The following COPB2 variants were observed in gnomAD, a reference collection of about 807,000 sequenced individuals.
COPB2 encodes the protein coat protein complex I subunit beta 2.
COPB2 carries 16 observed loss-of-function variants against 120.8 expected under a neutral mutation model. The observed-to-expected ratio is 0.13, with a 90% confidence interval of 0.09 to 0.20. COPB2 has a LOEUF of 0.20. COPB2 is among the 10% of genes least tolerant of loss of function. The pLI is 1.00. For synonymous variants in COPB2, 332 were observed against 366.3 expected (o/e 0.91, Z 1.07); for missense variants, 794 against 1,076.5 (o/e 0.74, Z 3.67).
At chr3:139,376,026 T>C (rs970746700) in intron 5 of COPB2, among the ~76,000 whole-genome samples, 3 of 152,148 alleles carry the variant, frequency 2.0e-5, no homozygotes, top group Admixed American at 6.5e-5. Context: ...AGATGGAAGT[T>C]ATCACTTGAG....
In COPB2 at chr3:139,375,346, A is replaced by G. The variant is rs1560018519; in HGVS notation, c.651+122T>C. ...ATTCTGGGAACACAGTTTAGGTGCA[A>G]ATACTGATACCTTAAGTTATTATGC... On this transcript the variant is annotated intron_variant, in intron 6 of 21. Transcript: ENST00000333188. 4.2e-6 allele frequency: 4 copies of G among 942,140 alleles called. No homozygotes were observed. In the East Asian group the frequency reaches 1.1e-4, roughly 27 times the overall value. 58.4% of individuals were successfully genotyped at this position (942,140 alleles called of 1,614,324 possible).
In COPB2 at chr3:139,378,209, CA is replaced by C; in HGVS notation, c.356-21del. 2 of 1,517,900 alleles carry C rather than the reference CA, an allele frequency of 1.3e-6. No homozygotes were observed. Among genetic ancestry groups the C allele is most frequent in the Non-Finnish European group, 1.8e-6 (2 of 1,113,684 alleles). The allele number at this position is 1,517,900 out of a possible 1,614,324, so 94.0% of individuals were successfully genotyped here. A position where few individuals can be genotyped will look rare whatever the true frequency, so the allele number is the denominator to read the frequency against. On this transcript the variant is annotated intron_variant, in intron 4 of 21. Coordinates refer to ENST00000333188, the MANE Select transcript of COPB2 (RefSeq NM_004766.3). ...TGTCATCTAGGCCAAAAGAAAGTCT[CA>C]AGTTAGTTGTAATTCTATTTTTTCA...
At chr3:139,362,653 C>G in intron 15 of COPB2, 136 bp from the exon 16 acceptor site, 1 of 367,564 alleles carries the variant, frequency 2.7e-6, no homozygotes, top group Non-Finnish European at 4.6e-6. Flanking sequence ...AACTAGAAAC[C>G]CCACTATTTA....
At chr3:139,387,146 G>A (rs978967911) in intron 1 of COPB2, among the ~76,000 whole-genome samples, 2 of 151,964 alleles carry the variant, frequency 1.3e-5, no homozygotes, top group Non-Finnish European at 2.9e-5. Context: ...GGGAGGTGGA[G>A]GTTGCAGTGA....
Position 139,357,833 on chromosome 3 carries a change from G to A in COPB2, c.*30C>T. The stretch of plus-strand genomic sequence containing the variant: ...CAATACCTATATATAATAATGATCT[G>A]TTTAGTCAGGTAAATGGAAAGCATT... On this transcript the variant is annotated 3_prime_UTR_variant, in exon 22 of 22. Transcript: ENST00000333188. 8.2e-7 allele frequency: 1 copy of A among 1,226,210 alleles called. No homozygotes were observed. Among genetic ancestry groups the A allele is most frequent in the Non-Finnish European group, 1.2e-6 (1 of 847,170 alleles). 76.0% of individuals were successfully genotyped at this position (1,226,210 alleles called of 1,614,324 possible). A position where few individuals can be genotyped will look rare whatever the true frequency, so the allele number is the denominator to read the frequency against.
intron 17 of COPB2, 50 bp from the exon 18 acceptor site, chr3:139,359,412 A>G (rs1443695056): frequency 6.5e-7 from 1 of 1,537,246 alleles, no homozygotes; most frequent in Non-Finnish European, 8.9e-7. Flanking sequence ...ACACTATAAT[A>G]ATGGGTACTT....
chr3:139,360,097 T>G (rs1941382113), intron 17 of COPB2, among the ~76,000 whole-genome samples: 1 of 151,726 alleles, frequency 6.6e-6, no homozygotes, highest in African/African-American at 2.4e-5. Flanking sequence ...GGATAAGGAA[T>G]AGGGTCTATT....
chr3:139,368,050 T>C lies in COPB2; in HGVS notation c.1545+95A>G, dbSNP rs748764810. The C allele has an allele frequency of 7.9e-6, 11 of 1,386,936 alleles. No individual in the cohort carries two copies. In the African/African-American group the frequency reaches 1.2e-4, roughly 15 times the overall value. 85.9% of individuals were successfully genotyped at this position (1,386,936 alleles called of 1,614,324 possible). On this transcript the variant is annotated intron_variant, in intron 13 of 21. Coordinates refer to ENST00000333188, the MANE Select transcript of COPB2 (RefSeq NM_004766.3). ...TTAAATGCTGTCTCCCTACACCTAA[T>C]TTATAACGAAATGTTAAAATCAGTA...
At chr3:139,361,864 A>G (rs907470182) in intron 16 of COPB2, among the ~76,000 whole-genome samples, 6 of 152,216 alleles carry the variant, frequency 3.9e-5, no homozygotes, top group African/African-American at 1.4e-4. Flanking sequence ...TGGTATTAAC[A>G]TTTCTCCCAC....
chr3:139,385,663 T>G (rs2074201705), intron 1 of COPB2, among the ~76,000 whole-genome samples: 1 of 152,150 alleles, frequency 6.6e-6, no homozygotes, highest in Non-Finnish European at 1.5e-5. Context: ...TTCTCTCAAG[T>G]CAGAAAATAT....
chr3:139,383,378 C>G lies in COPB2; in HGVS notation c.61G>C (p.Val21Leu). The G allele has an allele frequency of 6.2e-7, 1 of 1,613,830 alleles. No homozygotes were observed. The highest frequency in any genetic ancestry group is 8.5e-7 in the Non-Finnish European group (1 of 1,179,832). The change falls in exon 2 of 22, where the codon GTG (valine) becomes CTG (leucine). Residue 21 changes from valine to leucine, a missense_variant. Transcript: ENST00000333188. Reference protein sequence around the residue: ...LTARSDRVKSVDLHPTEPWML... With the variant: ...LTARSDRVKSLDLHPTEPWML... ...CATGGCTCTGTAGGATGCAGATCCA[C>G]ACTCTTAACTCGATCAGATCTAGCA...
At chr3:139,371,409 G>A (rs1941620582) in intron 10 of COPB2, among the ~76,000 whole-genome samples, 1 of 152,150 alleles carries the variant, frequency 6.6e-6, no homozygotes, top group Non-Finnish European at 1.5e-5. Flanking sequence ...CAGACATGAG[G>A]GTCTACTGTG....
In COPB2 at chr3:139,362,364, T is replaced by C. The variant is rs1941436527; in HGVS notation, c.1995+43A>G. ...ACACCAAACACATAGAAGTACCTAC[T>C]GACTTTTCCATCAGTTATGAAAAAT... On this transcript the variant is annotated intron_variant, in intron 16 of 21. Coordinates refer to ENST00000333188, the MANE Select transcript of COPB2 (RefSeq NM_004766.3). 7.1e-7 allele frequency: 1 copy of C among 1,412,890 alleles called. No individual in the cohort carries two copies. Among genetic ancestry groups the C allele is most frequent in the African/African-American group, 1.4e-5 (1 of 70,702 alleles). The allele number at this position is 1,412,890 out of a possible 1,614,324, so 87.5% of individuals were successfully genotyped here.
chr3:139,367,462 G>GT (rs1030081904), intron 13 of COPB2, among the ~76,000 whole-genome samples: 2 of 151,882 alleles, frequency 1.3e-5, no homozygotes, highest in African/African-American at 4.8e-5. Context: ...TAATTCTTAT[G>GT]TTTTTCGTAG....
Position 139,357,825 on chromosome 3 carries a change from A to G in COPB2, c.*38T>C. The G allele has an allele frequency of 8.9e-7, 1 of 1,129,866 alleles. No homozygotes were observed. Among genetic ancestry groups the G allele is most frequent in the Non-Finnish European group, 1.3e-6 (1 of 771,946 alleles). The allele number at this position is 1,129,866 out of a possible 1,614,324, so 70.0% of individuals were successfully genotyped here. A position where few individuals can be genotyped will look rare whatever the true frequency, so the allele number is the denominator to read the frequency against. ...GTAGCAATCAATACCTATATATAAT[A>G]ATGATCTGTTTAGTCAGGTAAATGG... On this transcript the variant is annotated 3_prime_UTR_variant, in exon 22 of 22. Transcript: ENST00000333188.
chr3:139,365,441 A>G (rs901324560), intron 15 of COPB2, among the ~76,000 whole-genome samples: 1 of 152,242 alleles, frequency 6.6e-6, no homozygotes, highest in Non-Finnish European at 1.5e-5. Context: ...GAACAATGGC[A>G]CTTTCAGATA....
rs745970613 is a variant in COPB2, at chr3:139,389,534, G to C, written c.3+14C>G. 1.9e-6 allele frequency: 3 copies of C among 1,564,046 alleles called. No individual in the cohort carries two copies. In the South Asian group the frequency reaches 3.4e-5, roughly 18 times the overall value. Reference sequence around the variant, plus strand: ...CTATGGGACCCCGCTCCCTTCTACGGGATCTGGACCTACCATGGCTGCGTC... The same window carrying C: ...CTATGGGACCCCGCTCCCTTCTACGCGATCTGGACCTACCATGGCTGCGTC... On this transcript the variant is annotated intron_variant, in intron 1 of 21. Coordinates refer to ENST00000333188, the MANE Select transcript of COPB2 (RefSeq NM_004766.3).
intron 2 of COPB2, chr3:139,383,057 T>G: frequency 2.0e-6 from 1 of 493,960 alleles, no homozygotes; most frequent in Non-Finnish European, 3.6e-6. Context: ...AAAAAAGAGC[T>G]AATACTACCT....
intron 1 of COPB2, among the ~76,000 whole-genome samples, chr3:139,383,679 T>C (rs1193344637): frequency 2.6e-5 from 4 of 152,174 alleles, no homozygotes; most frequent in African/African-American, 9.7e-5. Flanking sequence ...TCCTTTATAG[T>C]CCTTAAACAC....
Sources: allele counts gnomAD v4.1 joint callset (sites outside exome capture counted in the v4.1 genomes callset), GRCh38; gene constraint gnomAD v4.1.1; transcripts MANE v1.5; gene names NCBI Gene and HGNC (gene_info 2026-07-23, HGNC 2026-07-21).